FUT8: variants seen among roughly 807,000 people sequenced by gnomAD.
FUT8 encodes alpha-(1,6)-fucosyltransferase.
A neutral mutation model predicts 71.3 loss-of-function variants in FUT8; 29 were observed. That is an observed-to-expected ratio of 0.41 (90% CI 0.30 to 0.55). The LOEUF (loss-of-function observed/expected upper bound fraction) is 0.55. FUT8 is among the 20% of genes least tolerant of loss of function. The pLI is 0.34. For synonymous variants in FUT8, 254 were observed against 239.3 expected (o/e 1.06, Z -0.57); for missense variants, 544 against 702.1 (o/e 0.77, Z 2.55).
the FUT8 span, among the ~76,000 whole-genome samples, chr14:65,403,722 A>G: frequency 7.1e-6 from 1 of 140,492 alleles, no homozygotes; most frequent in East Asian, 2.2e-4. Context: ...TATTTATATC[A>G]TACTGATAGT....
rs759754286 is a variant in FUT8, at chr14:65,721,938, A to C, written c.999A>C (p.Lys333Asn). The C allele has an allele frequency of 1.2e-6, 2 of 1,614,192 alleles. No individual in the cohort carries two copies. The highest frequency in any genetic ancestry group is 1.1e-5 in the South Asian group (1 of 91,074). Residue 333 changes from lysine (K) to asparagine (N), a missense_variant, in exon 8 of 11, where the codon AAA becomes AAC. Transcript: ENST00000673929. The stretch of plus-strand genomic sequence containing the variant: ...TGTGGTGGGTGTCTCAGTTTGTCAA[A>C]TACTTGATCCGCCCACAGCCTTGGC... ...PAVWWVSQFV[K>N]YLIRPQPWLE... is the part of the protein sequence containing the mutation.
the FUT8 span, among the ~76,000 whole-genome samples, chr14:65,366,448 CT>C: frequency 6.6e-6 from 1 of 152,098 alleles, no homozygotes; most frequent in African/African-American, 2.4e-5. Context: ...GGTTTGTTTG[CT>C]TGTTTTTTGG....
At chr14:65,432,183 C>T (rs1029543052) in intron 1 of FUT8, among the ~76,000 whole-genome samples, 3 of 152,048 alleles carry the variant, frequency 2.0e-5, no homozygotes, top group Non-Finnish European at 4.4e-5. Context: ...AAGTATTTGC[C>T]TTACATGTTT....
intron 1 of FUT8, among the ~76,000 whole-genome samples, chr14:65,439,952 G>GTACATATA (rs1425130774): frequency 5.2e-5 from 2 of 38,224 alleles, no homozygotes; most frequent in Non-Finnish European, 1.1e-4. Flanking sequence ...GTGTGTGTGT[G>GTACATATA]TGTATATATA....
intron 2 of FUT8, among the ~76,000 whole-genome samples, chr14:65,536,866 C>T (rs1410129218): frequency 2.0e-5 from 3 of 152,050 alleles, no homozygotes; most frequent in Non-Finnish European, 2.9e-5. Context: ...CCAGTCTCCC[C>T]ATTTCTTTCA....
At chr14:65,456,978 A>G (rs2139565142) in intron 2 of FUT8, among the ~76,000 whole-genome samples, 1 of 152,262 alleles carries the variant, frequency 6.6e-6, no homozygotes, top group South Asian at 2.1e-4. Flanking sequence ...AAATCAGGGT[A>G]ATTGGAATAT....
chr14:65,604,662 G>GT (rs1888476708), intron 3 of FUT8, among the ~76,000 whole-genome samples: 1 of 151,744 alleles, frequency 6.6e-6, no homozygotes, highest in Admixed American at 6.6e-5. Context: ...AAGAGCACAA[G>GT]TAGACAATCT....
At chr14:65,676,943 T>A (rs1209276242) in intron 7 of FUT8, among the ~76,000 whole-genome samples, 2 of 152,106 alleles carry the variant, frequency 1.3e-5, no homozygotes, top group African/African-American at 4.8e-5. Flanking sequence ...TTTCTTTGTC[T>A]CCCTTCCCCA....
At chr14:65,671,845 A>G (rs564073129) in intron 7 of FUT8, among the ~76,000 whole-genome samples, 18 of 152,346 alleles carry the variant, frequency 1.2e-4, no homozygotes, top group Admixed American at 1.2e-3. Context: ...TAGAGGAAAT[A>G]GTGAATTTTA....
In FUT8 at chr14:65,733,265, A is replaced by G. The variant is rs892066707; in HGVS notation, c.1294A>G (p.Ile432Val). The G allele has an allele frequency of 1.9e-6, 3 of 1,603,208 alleles. No individual in the cohort carries two copies. Among genetic ancestry groups the G allele is most frequent in the African/African-American group, 1.3e-5 (1 of 74,506 alleles). ...TTATGAATTTATTAGTGATAACTCT[A>G]TTTCCTGGTCAGCTGGACTGCACAA... The part of the protein sequence containing the change: ...PNYEFISDNS[I>V]SWSAGLHNRY... The change falls in exon 10 of 11, where the codon ATT becomes GTT. Residue 432 changes from isoleucine to valine, a missense_variant. Coordinates refer to ENST00000673929, the MANE Select transcript of FUT8 (RefSeq NM_001371533.1).
At chr14:65,463,115 A>G (rs558226901) in intron 2 of FUT8, among the ~76,000 whole-genome samples, 1 of 152,328 alleles carries the variant, frequency 6.6e-6, no homozygotes, top group African/African-American at 2.4e-5. Flanking sequence ...TAGCAGTAAC[A>G]CTCCAGCAAT....
intron 5 of FUT8, among the ~76,000 whole-genome samples, chr14:65,628,402 T>C (rs966677250): frequency 6.6e-6 from 1 of 152,186 alleles, no homozygotes; most frequent in East Asian, 1.9e-4. Flanking sequence ...AGCTGATATA[T>C]TGAGAACAGA....
At chr14:65,362,390 AT>A in the FUT8 span, among the ~76,000 whole-genome samples, 1 of 152,136 alleles carries the variant, frequency 6.6e-6, no homozygotes, top group Admixed American at 6.6e-5. Context: ...TGGATTACAG[AT>A]TGCTTTAGAA....
chr14:65,651,419 G>C (rs1014335538), intron 6 of FUT8, among the ~76,000 whole-genome samples: 10 of 152,204 alleles, frequency 6.6e-5, no homozygotes, highest in Admixed American at 5.9e-4. Flanking sequence ...ATAAAAGTTG[G>C]CTAAGACATG....
chr14:65,607,039 A>C lies in FUT8; in HGVS notation c.204-8939A>C, dbSNP rs1359910733. Reference sequence around the variant, plus strand: ...GTAATTTGTGGTTGTTGTTGTATAGAGACTTTAATTTCTGTACATTGATAT... The same window carrying C: ...GTAATTTGTGGTTGTTGTTGTATAGCGACTTTAATTTCTGTACATTGATAT... On this transcript the variant is annotated intron_variant, in intron 3 of 10. Transcript: ENST00000673929. This position sits in a 1 kb window ranked among gnomAD's most constrained non-coding sequence, Gnocchi z 4.1. 6.6e-6 allele frequency among the ~76,000 whole-genome samples: 1 copy of C among 151,938 alleles called. No homozygotes were observed. Among genetic ancestry groups the C allele is most frequent in the Non-Finnish European group, 1.5e-5 (1 of 67,906 alleles).
intron 10 of FUT8, among the ~76,000 whole-genome samples, chr14:65,736,288 T>C (rs75618134): frequency 0.018 from 2,669 of 152,038 alleles, 77 homozygotes; most frequent in African/African-American, 0.061. Flanking sequence ...TGAATAGTTA[T>C]AGGAATATCT....
At chr14:65,384,022 C>T in the FUT8 span, among the ~76,000 whole-genome samples, 1 of 152,096 alleles carries the variant, frequency 6.6e-6, no homozygotes, top group Non-Finnish European at 1.5e-5. This position sits in a 1 kb window ranked among gnomAD's most constrained non-coding sequence, Gnocchi z 4.2. Context: ...AGAATGGGCA[C>T]AGTGAAGAAA....
At chr14:65,608,063 CAAAAAA>C (rs35942953) in intron 3 of FUT8, among the ~76,000 whole-genome samples, 1 of 108,626 alleles carries the variant, frequency 9.2e-6, no homozygotes. Flanking sequence ...GACTCCGTCT[CAAAAAA>C]AAAAAAAAAA....
intron 7 of FUT8, among the ~76,000 whole-genome samples, chr14:65,706,664 A>G (rs1376988690): frequency 1.4e-4 from 21 of 152,140 alleles, no homozygotes; most frequent in Admixed American, 1.4e-3. Flanking sequence ...CTCACATGGT[A>G]GAAGGGGCAA....
Sources: allele counts gnomAD v4.1 joint callset (sites outside exome capture counted in the v4.1 genomes callset), GRCh38; gene constraint gnomAD v4.1.1; non-coding constraint Gnocchi (gnomAD v3.1); transcripts MANE v1.5; gene names NCBI Gene and HGNC (gene_info 2026-07-23, HGNC 2026-07-21).